The following PLEKHG1 variants were observed in gnomAD, a reference collection of about 807,000 sequenced individuals.
PLEKHG1 encodes pleckstrin homology domain-containing family G member 1.
A neutral mutation model predicts 100.8 loss-of-function variants in PLEKHG1; 44 were observed. The observed-to-expected ratio is 0.44, with a 90% CI of 0.34 to 0.56. The LOEUF is 0.56. Ranked by LOEUF, PLEKHG1 falls within the 20% of genes least tolerant of loss-of-function variation. The pLI is 0.01. For missense variants in PLEKHG1, 1,545 were observed against 1,720.9 expected, an observed-to-expected ratio of 0.90 and a Z score of 1.81; for synonymous variants, 640 against 662.5, an observed-to-expected ratio of 0.97 and a Z score of 0.52.
intron 2 of PLEKHG1, among the ~76,000 whole-genome samples, chr6:150,763,192 T>C (rs1205799315): frequency 6.6e-6 from 1 of 151,926 alleles, no homozygotes; most frequent in East Asian, 1.9e-4. Context: ...CACACTTGGC[T>C]AATATTTTTG....
At chr6:150,732,929 ACT>A (rs1490563126) in intron 1 of PLEKHG1, among the ~76,000 whole-genome samples, 1 of 151,822 alleles carries the variant, frequency 6.6e-6, no homozygotes, top group Non-Finnish European at 1.5e-5. Flanking sequence ...GCTGTGTATG[ACT>A]CTATCTTTTT....
intron 3 of PLEKHG1, among the ~76,000 whole-genome samples, chr6:150,692,926 T>A (rs911707295): frequency 2.0e-5 from 3 of 152,116 alleles, no homozygotes; most frequent in Admixed American, 2.0e-4. Flanking sequence ...CACAGAGGAA[T>A]GAAAGCAAAT....
At chr6:150,810,535 A>G (rs550077156) in intron 10 of PLEKHG1, among the ~76,000 whole-genome samples, 24,706 of 126,852 alleles carry the variant, frequency 0.19, 2,544 homozygotes, top group Middle Eastern at 0.27. Context: ...AGAAAGAAAG[A>G]AAGGAAGAAA....
intron 3 of PLEKHG1, among the ~76,000 whole-genome samples, chr6:150,655,707 C>CAAAAA (rs775753925): frequency 3.8e-3 from 144 of 38,138 alleles, no homozygotes; most frequent in African/African-American, 5.8e-3. Flanking sequence ...GACTCCATCT[C>CAAAAA]AAAAAAAAAA....
chr6:150,604,263 T>C (rs1253019051), intron 1 of PLEKHG1, among the ~76,000 whole-genome samples: 1 of 152,174 alleles, frequency 6.6e-6, no homozygotes, highest in Non-Finnish European at 1.5e-5. Flanking sequence ...ATAGATCTAG[T>C]TCTCTGGGTC....
exon 16 of PLEKHG1, chr6:150,840,924 ACTT>A (rs1241913392): frequency 1.3e-5 from 19 of 1,515,878 alleles, no homozygotes; most frequent in Non-Finnish European, 1.7e-5. Flanking sequence ...GCTTGAATCA[ACTT>A]CTTATTTTGC....
chr6:150,792,690 CAAA>C (rs869076999), intron 4 of PLEKHG1, among the ~76,000 whole-genome samples: 4 of 150,892 alleles, frequency 2.7e-5, no homozygotes, highest in African/African-American at 7.3e-5. Flanking sequence ...ACAACAACAA[CAAA>C]AAAAAACCAC....
intron 2 of PLEKHG1, among the ~76,000 whole-genome samples, chr6:150,738,477 T>C (rs1782686827): frequency 3.9e-5 from 6 of 152,224 alleles, no homozygotes; most frequent in Admixed American, 3.9e-4. Context: ...GCAATAGGAT[T>C]CCCAGATGTT....
At chr6:150,603,099 A>AAAAAAAAG (rs1562376037) in intron 1 of PLEKHG1, among the ~76,000 whole-genome samples, 1 of 148,242 alleles carries the variant, frequency 6.7e-6, no homozygotes, top group African/African-American at 2.4e-5. Flanking sequence ...AAAAATAAAA[A>AAAAAAAAG]AAAAGAAAAG....
At chr6:150,641,876 C>CAAAAAAGAA (rs1778277569) in intron 2 of PLEKHG1, among the ~76,000 whole-genome samples, 1 of 76,798 alleles carries the variant, frequency 1.3e-5, no homozygotes, top group Non-Finnish European at 2.2e-5. Flanking sequence ...TGTGAAAAGG[C>CAAAAAAGAA]AAAAAAAAAA....
intron 9 of PLEKHG1, 63 bp downstream of exon 10, chr6:150,809,539 A>C: frequency 6.6e-7 from 1 of 1,514,702 alleles, no homozygotes; most frequent in Non-Finnish European, 9.2e-7. Context: ...GCTGTGTACC[A>C]TGTGGCTTTT....
Position 150,683,674 on chromosome 6 carries a change from T to A in PLEKHG1, c.-99+32888T>A, listed in dbSNP as rs1165798651. On this transcript the variant is annotated intron_variant, in intron 3 of 3. Coordinates refer to the PLEKHG1 transcript ENST00000367326. The surrounding 1 kb of genome is among the most constrained non-coding windows in gnomAD (Gnocchi z 4.0). ...AACTGGCAAACTAAGGATGACAGAG[T>A]GTTCAATGATGCTGTTCAACTTGAA... 1.6e-6 allele frequency: 1 copy of A among 614,364 alleles called. No homozygotes were observed. The highest frequency in any genetic ancestry group is 2.4e-6 in the Non-Finnish European group (1 of 411,516). The allele number at this position is 614,364 out of a possible 1,614,324, so 38.1% of individuals were successfully genotyped here. A position where few individuals can be genotyped will look rare whatever the true frequency, so the allele number is the denominator to read the frequency against.
In PLEKHG1 at chr6:150,700,104, C is replaced by T. The variant is rs112657674; in HGVS notation, c.-98-33480C>T. 9.7e-3 allele frequency among the ~76,000 whole-genome samples: 1,477 copies of T among 152,200 alleles called. 23 individuals carry two copies. Among genetic ancestry groups the T allele is most frequent in the African/African-American group, 0.033 (1,377 of 41,518 alleles). On this transcript the variant is annotated intron_variant, in intron 3 of 3. Transcript: ENST00000367326. The stretch of plus-strand genomic sequence containing the variant: ...GGAAGGACCCAATATTACAGTGAAT[C>T]GGGGTGAACCTGCCAGAGAGAAGCC...
rs868083641 is a variant in PLEKHG1 at position 150,716,032 on chromosome 6, C to T, written c.-98-17552C>T. Among the ~76,000 whole-genome samples, 10 of 148,088 alleles carry T rather than the reference C, an allele frequency of 6.8e-5. No individual in the cohort carries two copies. The South Asian group carries it at 1.7e-3, about 25-fold the overall frequency. The stretch of plus-strand genomic sequence containing the variant: ...CTGAGGCAGGAGAATGGCGTGAACC[C>T]GGGAGGCGGAGCTTGCAGTGAGCCG... On this transcript the variant is annotated intron_variant, in intron 3 of 3. Coordinates refer to the PLEKHG1 transcript ENST00000367326.
In PLEKHG1 at chr6:150,821,234, G is replaced by T. The variant is rs749976449; in HGVS notation, c.1447+1G>T. The T allele has an allele frequency of 2.0e-5, 32 of 1,602,728 alleles. No individual in the cohort carries two copies. On this transcript the variant is annotated splice_donor_variant, in intron 13 of 15. Coordinates refer to ENST00000358517, the Ensembl canonical transcript of PLEKHG1. LOFTEE classifies it high-confidence loss of function. ...TCACATAAAGTTTTGAAGACCAGTG[G>T]TAAGTCGTAAAATATATTTTCCTGT...
At chr6:150,788,139 CG>C (rs1310495517) in intron 4 of PLEKHG1, among the ~76,000 whole-genome samples, 1 of 152,230 alleles carries the variant, frequency 6.6e-6, no homozygotes, top group African/African-American at 2.4e-5. Flanking sequence ...TTATGTGCCA[CG>C]TTGCCAACTC....
chr6:150,635,407 G>T (rs1777952557), intron 1 of PLEKHG1, among the ~76,000 whole-genome samples: 1 of 151,966 alleles, frequency 6.6e-6, no homozygotes, highest in Non-Finnish European at 1.5e-5. Context: ...GTGTAGTTCT[G>T]TTGTTTCTTG....
chr6:150,828,474 T>G, intron 14 of PLEKHG1: 1 of 1,114,386 alleles, frequency 9.0e-7, no homozygotes, highest in East Asian at 2.6e-5. Flanking sequence ...ATCCTTGTGG[T>G]TTTTAGTTTT....
chr6:150,748,687 C>G (rs1375330136), intron 2 of PLEKHG1, among the ~76,000 whole-genome samples: 1 of 145,564 alleles, frequency 6.9e-6, no homozygotes, highest in African/African-American at 2.6e-5. Flanking sequence ...GTGCCACGAT[C>G]ACGGCTCACT....
Sources: gnomAD v4.1 joint callset for allele counts (sites outside exome capture counted in the v4.1 genomes callset) on GRCh38, gnomAD v4.1.1 for gene constraint, Gnocchi (gnomAD v3.1) non-coding constraint, MANE v1.5 for transcripts, NCBI Gene and HGNC (gene_info 2026-07-23, HGNC 2026-07-21) for gene names.